The following CPSF7 variants were observed in gnomAD, a reference collection of about 807,000 sequenced individuals.
CPSF7 encodes cleavage and polyadenylation specific factor 7.
In CPSF7, 1 loss-of-function variant was observed where a neutral mutation model predicts 44.3. The observed-to-expected ratio is 0.02, with a 90% CI of 0.01 to 0.11. The LOEUF (loss-of-function observed/expected upper bound fraction) is 0.11, where lower values mean the gene tolerates loss of function less well. CPSF7 is among the 10% of genes least tolerant of loss of function. CPSF7 has a pLI of 1.00. For missense variants in CPSF7, 443 were observed against 607.2 expected, an observed-to-expected ratio of 0.73 and a Z score of 2.84; for synonymous variants, 202 against 222.0, an observed-to-expected ratio of 0.91 and a Z score of 0.80.
In CPSF7 at chr11:61,420,464, C is replaced by T; in HGVS notation, c.377+6G>A. The T allele has an allele frequency of 6.2e-7, 1 of 1,607,736 alleles. No homozygotes were observed. Among genetic ancestry groups the T allele is most frequent in the Non-Finnish European group, 8.5e-7 (1 of 1,174,152 alleles). On this transcript the variant is annotated splice_donor_region_variant and intron_variant, in intron 4 of 9. Coordinates refer to ENST00000439958, the MANE Select transcript of CPSF7 (RefSeq NM_001142565.3). ...TTAAAAGGGGCTTCTCAAATCCAGACCTCACCCTTTGGACTGGCCATTTGC... is the reference window on the plus strand; with the variant it reads ...TTAAAAGGGGCTTCTCAAATCCAGATCTCACCCTTTGGACTGGCCATTTGC...
Position 61,411,805 on chromosome 11 carries a change from T to C in CPSF7, c.1190A>G (p.Lys397Arg). Residue 397 changes from lysine to arginine, a missense_variant, in exon 8 of 10, where the codon AAG becomes AGG. Physicochemically the swap from Lys to Arg is conservative, Grantham distance 26. Transcript: ENST00000439958. ...LKDCLHGIEA[K>R]SYSVGASGSS... Reference sequence around the variant, plus strand: ...CCCACTGGCACCCACACTGTAGGACTTGGCTTCGATGCCATGAAGACAGTC... The same window carrying C: ...CCCACTGGCACCCACACTGTAGGACCTGGCTTCGATGCCATGAAGACAGTC... 1 of 1,613,756 alleles carries C rather than the reference T, an allele frequency of 6.2e-7. No homozygotes were observed. Among genetic ancestry groups the C allele is most frequent in the Non-Finnish European group, 8.5e-7 (1 of 1,179,968 alleles).
intron 4 of CPSF7, among the ~76,000 whole-genome samples, 184 bp downstream of exon 4, chr11:61,420,286 G>A (rs1433883679): frequency 6.6e-6 from 1 of 152,092 alleles, no homozygotes; most frequent in African/African-American, 2.4e-5. Context: ...AGTATTCTTC[G>A]CCCCTTAACA....
intron 7 of CPSF7, among the ~76,000 whole-genome samples, chr11:61,415,093 C>A (rs1473344024): frequency 6.6e-6 from 1 of 152,074 alleles, no homozygotes; most frequent in African/African-American, 2.4e-5. Context: ...CAAAAATTAG[C>A]CGGGCGTGGT....
At chr11:61,423,273 A>G (rs1371141842) in intron 2 of CPSF7, among the ~76,000 whole-genome samples, 2 of 148,786 alleles carry the variant, frequency 1.3e-5, no homozygotes, top group African/African-American at 2.5e-5. Context: ...CTTGGGTTCA[A>G]GTGATTCTCC....
At chr11:61,407,579 C>T (rs574935219) in intron 9 of CPSF7, among the ~76,000 whole-genome samples, 2 of 152,326 alleles carry the variant, frequency 1.3e-5, no homozygotes, top group African/African-American at 4.8e-5. Context: ...AAAGAAGTAC[C>T]TGGAGCCCAC....
chr11:61,413,514 C>T (rs1053852083), intron 7 of CPSF7, among the ~76,000 whole-genome samples: 1 of 151,578 alleles, frequency 6.6e-6, no homozygotes, highest in African/African-American at 2.4e-5. Context: ...ACCTGTAATG[C>T]CAGTTATTTG....
intron 5 of CPSF7, among the ~76,000 whole-genome samples, chr11:61,417,369 G>A (rs1266968794): frequency 6.6e-6 from 1 of 152,194 alleles, no homozygotes; most frequent in Admixed American, 6.5e-5. Flanking sequence ...TAAACAGCTG[G>A]AAGCATGGAT....
intron 7 of CPSF7, among the ~76,000 whole-genome samples, chr11:61,414,605 G>C (rs932643454): frequency 3.3e-5 from 5 of 152,154 alleles, no homozygotes; most frequent in Non-Finnish European, 5.9e-5. Context: ...AATATTTAGG[G>C]CTAACTTATT....
At chr11:61,406,004 C>T (rs1247594173) in intron 9 of CPSF7, 1 of 152,192 alleles carries the variant, frequency 6.6e-6, no homozygotes, top group Non-Finnish European at 1.5e-5. Flanking sequence ...ATAACGAGGA[C>T]AGGAATGACG....
At chr11:61,421,289 C>G in intron 3 of CPSF7, 101 bp downstream of exon 3, 1 of 1,110,636 alleles carries the variant, frequency 9.0e-7, no homozygotes, top group South Asian at 1.3e-5. Context: ...CCAACCCCAT[C>G]AGAGCACAAA....
chr11:61,421,858 G>GA (rs1860914139), intron 2 of CPSF7, among the ~76,000 whole-genome samples: 1 of 152,236 alleles, frequency 6.6e-6, no homozygotes, highest in East Asian at 1.9e-4. Flanking sequence ...CCAACGGCAA[G>GA]AATCAAAAAG....
chr11:61,429,115 G>T, intron 2 of CPSF7, 67 bp downstream of exon 2: 1 of 944,360 alleles, frequency 1.1e-6, no homozygotes, highest in Non-Finnish European at 1.7e-6. Flanking sequence ...TGAAACCACT[G>T]CCAGTTTGCT....
chr11:61,429,727 C>T, intron 1 of CPSF7, 187 bp downstream of exon 1: 2 of 1,541,268 alleles, frequency 1.3e-6, no homozygotes, highest in Non-Finnish European at 1.7e-6. Context: ...TCGCCCCCAG[C>T]TAGGCCCGCC....
At chr11:61,413,967 AGTATTT>A (rs1291184073) in intron 7 of CPSF7, among the ~76,000 whole-genome samples, 1 of 152,100 alleles carries the variant, frequency 6.6e-6, no homozygotes, top group African/African-American at 2.4e-5. Context: ...ATCTTCAATA[AGTATTT>A]GTGGTTTGAA....
intron 8 of CPSF7, 51 bp from the exon 9 acceptor site, chr11:61,411,156 C>A: frequency 6.5e-7 from 1 of 1,531,526 alleles, no homozygotes; most frequent in Non-Finnish European, 8.8e-7. Context: ...ACTTTCTTTC[C>A]AAGAATGTGG....
chr11:61,419,843 C>G, intron 5 of CPSF7, 106 bp downstream of exon 5: 8 of 1,423,560 alleles, frequency 5.6e-6, no homozygotes, highest in Non-Finnish European at 7.7e-6. Flanking sequence ...CCCAAACTCA[C>G]CCACACTGTA....
chr11:61,419,053 TG>T (rs1860610219), intron 5 of CPSF7, among the ~76,000 whole-genome samples: 1 of 151,558 alleles, frequency 6.6e-6, no homozygotes, highest in Non-Finnish European at 1.5e-5. Context: ...GATGGAGTCT[TG>T]CTCTGTTGCC....
At chr11:61,417,261 A>G (rs1860425547) in intron 5 of CPSF7, among the ~76,000 whole-genome samples, 1 of 152,232 alleles carries the variant, frequency 6.6e-6, no homozygotes, top group African/African-American at 2.4e-5. Context: ...GCTACATTTC[A>G]ATGGCCAAAA....
chr11:61,418,616 T>C (rs995264219), intron 5 of CPSF7, among the ~76,000 whole-genome samples: 3 of 152,172 alleles, frequency 2.0e-5, no homozygotes, highest in Non-Finnish European at 4.4e-5. Flanking sequence ...GGAAACCAAA[T>C]TAGCATCAGA....
Sources: allele counts gnomAD v4.1 joint callset (sites outside exome capture counted in the v4.1 genomes callset), GRCh38; gene constraint gnomAD v4.1.1; transcripts MANE v1.5; gene names NCBI Gene and HGNC (gene_info 2026-07-23, HGNC 2026-07-21).